Variants in CBFA2T3 observed in about 807,000 individuals in gnomAD.
CBFA2T3 encodes the protein CBFA2/RUNX1 partner transcriptional co-repressor 3.
CBFA2T3 carries 31 observed loss-of-function variants against 58.6 expected under a neutral mutation model. That is an observed-to-expected ratio of 0.53 (90% CI 0.40 to 0.71). The LOEUF (loss-of-function observed/expected upper bound fraction) is 0.71, where lower values mean the gene tolerates loss of function less well. Ranked by LOEUF, CBFA2T3 falls within the 30% of genes least tolerant of loss-of-function variation. The pLI, the probability that CBFA2T3 is intolerant of heterozygous loss-of-function variation, is 0.00. For missense variants in CBFA2T3, 1,076 were observed against 963.1 expected, an observed-to-expected ratio of 1.12 and a Z score of -1.55; for synonymous variants, 531 against 421.9, an observed-to-expected ratio of 1.26 and a Z score of -3.17.
intron 3 of CBFA2T3, among the ~76,000 whole-genome samples, chr16:88,897,234 C>T (rs1969921832): frequency 6.6e-6 from 1 of 152,224 alleles, no homozygotes; most frequent in Non-Finnish European, 1.5e-5. Context: ...GGCGCGAGTG[C>T]GTGGCCAGGC....
At chr16:88,960,885 C>G (rs1229384434) in intron 1 of CBFA2T3, among the ~76,000 whole-genome samples, 5 of 152,220 alleles carry the variant, frequency 3.3e-5, no homozygotes, top group Non-Finnish European at 7.3e-5. Flanking sequence ...ATTACAGATG[C>G]AGAATGCCTG....
intron 1 of CBFA2T3, chr16:88,941,679 AG>A (rs1235685689): frequency 6.9e-6 from 1 of 145,046 alleles, no homozygotes; most frequent in Non-Finnish European, 1.5e-5. Context: ...GAAGAGGTTG[AG>A]GGGTGCGGGC....
At chr16:88,947,717 C>T (rs1035684883) in intron 1 of CBFA2T3, among the ~76,000 whole-genome samples, 3 of 152,134 alleles carry the variant, frequency 2.0e-5, no homozygotes, top group African/African-American at 7.2e-5. Flanking sequence ...AGTTCAAGAC[C>T]AGCCTGGGCA....
intron 1 of CBFA2T3, among the ~76,000 whole-genome samples, chr16:88,936,144 GT>G (rs750816240): frequency 4.7e-4 from 71 of 152,280 alleles, no homozygotes; most frequent in Admixed American, 1.0e-3. Flanking sequence ...GGGAGGTCGG[GT>G]ACACTGGGCG....
rs565101248 is a variant in CBFA2T3 at position 88,880,711 on chromosome 16, C to T, written c.1471+9G>A. The T allele has an allele frequency of 7.1e-5, 111 of 1,560,618 alleles. No homozygotes were observed. In the African/African-American group the frequency reaches 9.8e-4, roughly 14 times the overall value. Reference sequence around the variant, plus strand: ...GCTCTGCTGGCCAGGCCCCTGCACCCCCACTCACCAGCCTTCCTCCAGATG... The same window carrying T: ...GCTCTGCTGGCCAGGCCCCTGCACCTCCACTCACCAGCCTTCCTCCAGATG... On this transcript the variant is annotated intron_variant, in intron 10 of 11. Transcript: ENST00000268679.
chr16:88,919,787 C>T lies in CBFA2T3; in HGVS notation c.152-18131G>A, dbSNP rs186113574. ...CTGTTGGAAAGTCAGTGTCGCTCCACGTAATCCGTGGACACTGTTTCAATG... is the reference window on the plus strand; with the variant it reads ...CTGTTGGAAAGTCAGTGTCGCTCCATGTAATCCGTGGACACTGTTTCAATG... On this transcript the variant is annotated intron_variant, in intron 1 of 11. Transcript: ENST00000268679. Among the ~76,000 whole-genome samples, 465 of 152,284 alleles carry T rather than the reference C, an allele frequency of 3.1e-3. 3 individuals are homozygous for T. The highest frequency in any genetic ancestry group is 0.024 in the Middle Eastern group (7 of 294).
chr16:88,919,210 G>A (rs550290618), intron 1 of CBFA2T3, among the ~76,000 whole-genome samples: 178 of 152,068 alleles, frequency 1.2e-3, no homozygotes, highest in Non-Finnish European at 2.2e-3. Context: ...GTTCTAAGTT[G>A]CGAGCCAATC....
At chr16:88,915,004 C>T (rs1483475581) in intron 1 of CBFA2T3, among the ~76,000 whole-genome samples, 11 of 104,208 alleles carry the variant, frequency 1.1e-4, no homozygotes, top group Non-Finnish European at 2.1e-4. Context: ...GGCTGCCAGC[C>T]GGGGGCAGGG....
intron 1 of CBFA2T3, among the ~76,000 whole-genome samples, chr16:88,926,270 G>A (rs1262479264): frequency 1.3e-5 from 2 of 152,170 alleles, no homozygotes; most frequent in Non-Finnish European, 2.9e-5. Context: ...TTCCGTGCAG[G>A]GAGTTCCAGC....
At position 88,876,163 on chromosome 16, in the gene CBFA2T3, T is replaced by C. The variant is rs561617226; in HGVS notation, c.*813A>G. ...TTGTGTTTGCTTTTTTGGATTTCCT[T>C]TGGAGCAGAGGTGTGTCCGGTATCC... On this transcript the variant is annotated 3_prime_UTR_variant, in exon 12 of 12. Coordinates refer to ENST00000268679, the MANE Select transcript of CBFA2T3 (RefSeq NM_005187.6). The C allele has an allele frequency of 4.3e-6, 1 of 232,274 alleles. No individual in the cohort carries two copies. Among genetic ancestry groups the C allele is most frequent in the East Asian group, 6.1e-5 (1 of 16,396 alleles). 14.4% of individuals were successfully genotyped at this position (232,274 alleles called of 1,614,324 possible). A position where few individuals can be genotyped will look rare whatever the true frequency, so the allele number is the denominator to read the frequency against.
At chr16:88,917,929 A>G (rs946096398) in intron 1 of CBFA2T3, among the ~76,000 whole-genome samples, 5 of 152,144 alleles carry the variant, frequency 3.3e-5, no homozygotes, top group African/African-American at 1.2e-4. Context: ...GGGTGCGTGG[A>G]GGGACCCCAG....
At position 88,885,021 on chromosome 16, in the gene CBFA2T3, G is replaced by A. The variant is rs368682995; in HGVS notation, c.1117+25C>T. ...GTGTGCTCCTGTAACACGCGTCCAC[G>A]CTCCCGCCCCACCGGGCTGCTCACC... is the stretch of plus-strand genomic sequence containing the variant. On this transcript the variant is annotated intron_variant, in intron 7 of 11. Transcript: ENST00000268679. This position sits in a 1 kb window ranked among gnomAD's most constrained non-coding sequence, Gnocchi z 5.3. 10 of 1,550,368 alleles carry A rather than the reference G, an allele frequency of 6.5e-6. No individual in the cohort carries two copies. The African/African-American group carries it at 9.5e-5, about 15-fold the overall frequency.
At chr16:88,897,266 G>A (rs1308964380) in intron 3 of CBFA2T3, among the ~76,000 whole-genome samples, 3 of 152,254 alleles carry the variant, frequency 2.0e-5, no homozygotes, top group Non-Finnish European at 4.4e-5. Flanking sequence ...TAATGGCTGT[G>A]AAAAGGACAG....
chr16:88,899,977 G>C (rs949955424), intron 2 of CBFA2T3, among the ~76,000 whole-genome samples: 1 of 152,242 alleles, frequency 6.6e-6, no homozygotes, highest in African/African-American at 2.4e-5. Context: ...CCGAAGAGAG[G>C]GAAGGGTGAT....
At chr16:88,901,413 C>T in intron 2 of CBFA2T3, 91 bp downstream of exon 2, 1 of 644,782 alleles carries the variant, frequency 1.6e-6, no homozygotes, top group South Asian at 2.3e-5. Context: ...AAGGTGCCCG[C>T]TGGCTCCGGG....
chr16:88,905,014 T>G, intron 1 of CBFA2T3, among the ~76,000 whole-genome samples: 2 of 150,312 alleles, frequency 1.3e-5, no homozygotes, highest in African/African-American at 2.5e-5. Flanking sequence ...AAGCAGAAAG[T>G]GACAAGGACC....
chr16:88,901,694 G>C, intron 1 of CBFA2T3, 38 bp from the exon 2 acceptor site: 1 of 1,510,012 alleles, frequency 6.6e-7, no homozygotes. Context: ...GGTGAAGCAG[G>C]CTAAGTGCAA....
intron 1 of CBFA2T3, among the ~76,000 whole-genome samples, chr16:88,921,973 A>G (rs1260769548): frequency 6.6e-6 from 1 of 152,226 alleles, no homozygotes. Context: ...GTCAAAGCTG[A>G]GGCCCACACA....
intron 10 of CBFA2T3, 141 bp downstream of exon 10, chr16:88,880,579 C>T: frequency 1.4e-6 from 1 of 704,368 alleles, no homozygotes; most frequent in Admixed American, 2.7e-5. Flanking sequence ...CTCCGTGAGC[C>T]ACACAGCGGA....
Sources: allele counts gnomAD v4.1 joint callset (sites outside exome capture counted in the v4.1 genomes callset), GRCh38; gene constraint gnomAD v4.1.1; non-coding constraint Gnocchi (gnomAD v3.1); transcripts MANE v1.5; gene names NCBI Gene and HGNC (gene_info 2026-07-23, HGNC 2026-07-21).